CDKL2: variants seen among roughly 807,000 people sequenced by gnomAD.
CDKL2 encodes the protein cyclin-dependent kinase-like 2.
In CDKL2, 64 loss-of-function variants were observed where a neutral mutation model predicts 63.9. That is an observed-to-expected ratio of 1.00 (90% CI 0.82 to 1.23). CDKL2 has a LOEUF of 1.23. CDKL2 is among the 50% of genes most tolerant of loss of function. The probability of loss-of-function intolerance (pLI) is 0.00; values close to 1 mark genes in which losing one functional copy is unlikely to be tolerated. For missense variants in CDKL2, 656 were observed against 668.0 expected (o/e 0.98, Z 0.20); for synonymous variants, 211 against 229.2 (o/e 0.92, Z 0.72).
intron 5 of CDKL2, among the ~76,000 whole-genome samples, chr4:75,605,180 G>T (rs1405215563): frequency 6.6e-6 from 1 of 151,978 alleles, no homozygotes; most frequent in Non-Finnish European, 1.5e-5. Flanking sequence ...ATGGAGAAAC[G>T]CCATCTCTAC....
chr4:75,595,185 T>G (rs576248657), intron 10 of CDKL2, among the ~76,000 whole-genome samples: 1 of 149,882 alleles, frequency 6.7e-6, no homozygotes, highest in Admixed American at 6.8e-5. Flanking sequence ...TATAAATAAA[T>G]AGAATCGTTT....
chr4:75,586,520 G>A lies in CDKL2; in HGVS notation c.1648-4622C>T, dbSNP rs58808501. Among the ~76,000 whole-genome samples the A allele has an allele frequency of 4.5e-3, 682 of 152,230 alleles. 1 individual carries two copies. The highest frequency in any genetic ancestry group is 0.015 in the African/African-American group (626 of 41,554). Reference sequence around the variant, plus strand: ...GCTGGGATTACAGGCGTGAGCCACTGCGCCCAGCCTGGACTAGCCTTAATG... The same window carrying A: ...GCTGGGATTACAGGCGTGAGCCACTACGCCCAGCCTGGACTAGCCTTAATG... On this transcript the variant is annotated intron_variant, in intron 12 of 13. Transcript: ENST00000307465.
intron 3 of CDKL2, among the ~76,000 whole-genome samples, chr4:75,612,787 G>A (rs916054759): frequency 4.6e-5 from 7 of 152,322 alleles, no homozygotes; most frequent in African/African-American, 1.4e-4. Flanking sequence ...GTCAATATGA[G>A]TCTGCCCTAA....
rs1407886781 is a variant in CDKL2, at chr4:75,595,950, AAG to A, written c.1416+295_1416+296del. On this transcript the variant is annotated intron_variant, in intron 10 of 13. Transcript: ENST00000307465. ...TGAAAAAAAAAAGAAAAGAAAAAGA[AAG>A]AGAGGAAGGAAGGAAGGAAGGAAAG... 1.7e-5 allele frequency: 5 copies of A among 295,062 alleles called. No individual in the cohort carries two copies. The East Asian group carries it at 4.1e-4, about 24-fold the overall frequency. 18.3% of individuals were successfully genotyped at this position (295,062 alleles called of 1,614,324 possible).
In CDKL2 at chr4:75,591,830, T is replaced by C; in HGVS notation, c.1636A>G (p.Thr546Ala). ...GAGTATTTCTGTACCTGATGTAATG[T>C]AATACTGGGGGTGTGCAGGTCAATA... ...AAIDLHTPSI[T>A]LHQVSGPPLS... is the part of the protein sequence containing the mutation. The change falls in exon 12 of 14, where the codon ACA (threonine) becomes GCA (alanine). Residue 546 changes from threonine (T) to alanine (A), a missense_variant. Thr to Ala is a moderately conservative substitution (Grantham distance 58). Transcript: ENST00000307465. 6.5e-7 allele frequency: 1 copy of C among 1,532,818 alleles called. No homozygotes were observed. Among genetic ancestry groups the C allele is most frequent in the Non-Finnish European group, 8.7e-7 (1 of 1,144,060 alleles). The allele number at this position is 1,532,818 out of a possible 1,614,324, so 95.0% of individuals were successfully genotyped here.
intron 2 of CDKL2, among the ~76,000 whole-genome samples, chr4:75,624,088 G>A (rs1730289514): frequency 1.4e-5 from 2 of 145,132 alleles, no homozygotes; most frequent in South Asian, 2.2e-4. Context: ...CCAAGATTAC[G>A]CCACTGCACT....
intron 4 of CDKL2, among the ~76,000 whole-genome samples, chr4:75,606,012 C>T (rs1729411616): frequency 1.3e-5 from 2 of 152,108 alleles, no homozygotes; most frequent in Admixed American, 6.6e-5. Flanking sequence ...AAAGCCAAAA[C>T]AGTTATTATG....
chr4:75,624,722 G>T (rs1461742024), intron 2 of CDKL2, among the ~76,000 whole-genome samples: 2 of 151,900 alleles, frequency 1.3e-5, no homozygotes, highest in South Asian at 2.1e-4. Context: ...TCCAGGCATG[G>T]TGATGCACAC....
rs1304664687 is a variant in CDKL2, at chr4:75,625,816, C to G, written c.168+5G>C. Reference sequence around the variant, plus strand: ...TTTTTTGATTCAATATATGCATTTACTCACCTTTAGTAACTTGATTTCTCG... The same window carrying G: ...TTTTTTGATTCAATATATGCATTTAGTCACCTTTAGTAACTTGATTTCTCG... On this transcript the variant is annotated splice_donor_5th_base_variant and intron_variant, in intron 2 of 13. Transcript: ENST00000307465. 6.2e-7 allele frequency: 1 copy of G among 1,603,738 alleles called. No homozygotes were observed. The highest frequency in any genetic ancestry group is 1.3e-5 in the African/African-American group (1 of 74,486).
chr4:75,590,159 C>G (rs1169784374), intron 12 of CDKL2, among the ~76,000 whole-genome samples: 1 of 151,542 alleles, frequency 6.6e-6, no homozygotes, highest in African/African-American at 2.4e-5. Context: ...ACAGCAAAAC[C>G]CTGTCTCAAA....
chr4:75,597,602 T>C (rs1280162893), intron 8 of CDKL2, among the ~76,000 whole-genome samples: 1 of 152,186 alleles, frequency 6.6e-6, no homozygotes, highest in Admixed American at 6.5e-5. Flanking sequence ...GTACTTGATA[T>C]AAGTGGATTG....
intron 6 of CDKL2, among the ~76,000 whole-genome samples, chr4:75,602,987 CTTTTTTTTTTTTTTT>C (rs1165939407): frequency 1.1e-5 from 1 of 87,468 alleles, no homozygotes; most frequent in South Asian, 4.9e-4. Flanking sequence ...TAAATGGTTT[CTTTTTTTTTTTTTTT>C]TTTTTTTTGA....
intron 5 of CDKL2, among the ~76,000 whole-genome samples, chr4:75,605,200 G>A (rs550376395): frequency 2.6e-5 from 4 of 151,892 alleles, no homozygotes; most frequent in South Asian, 2.1e-4. Flanking sequence ...CTAAAAATAC[G>A]AAATTAGCTG....
chr4:75,594,448 G>A (rs899741958), intron 10 of CDKL2, among the ~76,000 whole-genome samples: 49 of 137,192 alleles, frequency 3.6e-4, no homozygotes, highest in Admixed American at 1.1e-3. Context: ...ATTCTGACTC[G>A]AAAAAAAAAA....
intron 10 of CDKL2, 85 bp downstream of exon 10, chr4:75,596,162 A>T: frequency 1.3e-6 from 1 of 798,880 alleles, no homozygotes; most frequent in Non-Finnish European, 2.1e-6. Flanking sequence ...CAAAATTCTC[A>T]ATACTTCACT....
At position 75,577,702 on chromosome 4, in the gene CDKL2, G is replaced by GT. The variant is rs751659839; in HGVS notation, c.*1499dup. Among the ~76,000 whole-genome samples, 1 of 152,260 alleles carries GT rather than the reference G, an allele frequency of 6.6e-6. No individual in the cohort carries two copies. Among genetic ancestry groups the GT allele is most frequent in the Non-Finnish European group, 1.5e-5 (1 of 68,018 alleles). On this transcript the variant is annotated 3_prime_UTR_variant, in exon 14 of 14. Transcript: ENST00000307465. ...GCAGCCTATTAATGCTGATACCCTA[G>GT]TTTTTTCAGCATGTTATCCATACTA... is the stretch of plus-strand genomic sequence containing the variant.
intron 4 of CDKL2, 52 bp from the exon 5 acceptor site, chr4:75,605,686 A>G: frequency 8.4e-7 from 1 of 1,195,254 alleles, no homozygotes. Flanking sequence ...ATGCTCCAAA[A>G]CCCAAAGCTT....
chr4:75,582,598 G>C (rs1043297909), intron 12 of CDKL2, among the ~76,000 whole-genome samples: 3 of 151,938 alleles, frequency 2.0e-5, no homozygotes, highest in Non-Finnish European at 2.9e-5. Flanking sequence ...GGAGAGGTGA[G>C]AGATTATGGC....
chr4:75,587,282 C>T (rs998884284), intron 12 of CDKL2, among the ~76,000 whole-genome samples: 5 of 151,906 alleles, frequency 3.3e-5, no homozygotes, highest in South Asian at 2.1e-4. Flanking sequence ...GGTGAAACCC[C>T]GTCTCTACTA....
Sources: gnomAD v4.1 joint callset for allele counts (sites outside exome capture counted in the v4.1 genomes callset) on GRCh38, gnomAD v4.1.1 for gene constraint, MANE v1.5 for transcripts, NCBI Gene and HGNC (gene_info 2026-07-23, HGNC 2026-07-21) for gene names.